ATP8A2: variants seen among roughly 807,000 people sequenced by gnomAD.
ATP8A2 encodes the protein phospholipid-transporting ATPase IB.
Under a neutral mutation model 165.6 loss-of-function variants are expected in ATP8A2, and 100 were observed. That is an observed-to-expected ratio of 0.60 (90% CI 0.51 to 0.71). ATP8A2 has a LOEUF of 0.71. Among genes scored for constraint, ATP8A2 ranks in the 30% least tolerant of loss-of-function variants. The pLI, the probability that ATP8A2 is intolerant of heterozygous loss-of-function variation, is 0.00. For missense variants in ATP8A2, 1,227 were observed against 1,479.5 expected (o/e 0.83, Z 2.80); for synonymous variants, 543 against 548.8 (o/e 0.99, Z 0.15).
At chr13:25,804,494 A>G (rs1205766471) in intron 27 of ATP8A2, among the ~76,000 whole-genome samples, 1 of 152,188 alleles carries the variant, frequency 6.6e-6, no homozygotes, top group African/African-American at 2.4e-5. Flanking sequence ...TATTAATCTA[A>G]CAATTAAATA....
intron 24 of ATP8A2, among the ~76,000 whole-genome samples, chr13:25,590,437 A>G (rs2040039875): frequency 1.3e-5 from 2 of 152,098 alleles, no homozygotes; most frequent in African/African-American, 2.4e-5. Context: ...AATAATAATA[A>G]TACATTCGTA....
intron 24 of ATP8A2, among the ~76,000 whole-genome samples, chr13:25,639,688 G>A (rs2041463625): frequency 6.6e-6 from 1 of 152,162 alleles, no homozygotes; most frequent in Non-Finnish European, 1.5e-5. Flanking sequence ...ACATTAGACA[G>A]ATCAATGAGA....
At chr13:25,641,284 A>T (rs1437345443) in intron 24 of ATP8A2, among the ~76,000 whole-genome samples, 2 of 152,082 alleles carry the variant, frequency 1.3e-5, no homozygotes, top group Admixed American at 1.3e-4. Flanking sequence ...GAAATAAAGG[A>T]TATTCAATTA....
intron 34 of ATP8A2, among the ~76,000 whole-genome samples, chr13:25,964,692 G>T (rs9645863): frequency 6.6e-6 from 1 of 152,176 alleles, no homozygotes; most frequent in South Asian, 2.1e-4. Context: ...CCCAGAAAGG[G>T]TGTGTATTTG....
chr13:25,376,935 C>T (rs948956479), intron 1 of ATP8A2, among the ~76,000 whole-genome samples: 1 of 152,170 alleles, frequency 6.6e-6, no homozygotes, highest in Non-Finnish European at 1.5e-5. Context: ...CCTGTAGTGG[C>T]TCTGAAGGTC....
intron 24 of ATP8A2, among the ~76,000 whole-genome samples, chr13:25,672,558 T>C (rs985697593): frequency 8.5e-5 from 13 of 152,206 alleles, no homozygotes; most frequent in Non-Finnish European, 4.4e-5. Flanking sequence ...TTTGTTCTTT[T>C]TTTAAAAAAA....
At chr13:25,838,311 A>G (rs1276010645) in intron 29 of ATP8A2, among the ~76,000 whole-genome samples, 1 of 152,112 alleles carries the variant, frequency 6.6e-6, no homozygotes. Flanking sequence ...CTCACTAGTT[A>G]CATCCGAGGC....
At position 25,581,925 on chromosome 13, in the gene ATP8A2, C is replaced by T. The variant is rs749884086; in HGVS notation, c.2114C>T (p.Thr705Ile). The change falls in exon 23 of 37, where the codon ACA becomes ATA. Residue 705 changes from threonine to isoleucine, a missense_variant. Transcript: ENST00000381655. ...GCAGAAATTAAAATATGGGTGTTGA[C>T]AGGAGACAAACAAGAAACTGCGATT... is the stretch of plus-strand genomic sequence containing the variant. ...LKAEIKIWVLTGDKQETAINI... is the reference protein window; with the variant it reads ...LKAEIKIWVLIGDKQETAINI... 6.2e-7 allele frequency: 1 copy of T among 1,612,614 alleles called. No individual in the cohort carries two copies. Among genetic ancestry groups the T allele is most frequent in the Non-Finnish European group, 8.5e-7 (1 of 1,179,450 alleles).
intron 1 of ATP8A2, among the ~76,000 whole-genome samples, chr13:25,431,442 C>A (rs1448732255): frequency 6.6e-6 from 1 of 152,192 alleles, no homozygotes; most frequent in Non-Finnish European, 1.5e-5. Flanking sequence ...AGCCACCACA[C>A]CCGGCTTCTC....
intron 36 of ATP8A2, among the ~76,000 whole-genome samples, chr13:26,016,811 T>C (rs1487378984): frequency 1.3e-5 from 2 of 152,224 alleles, no homozygotes; most frequent in Non-Finnish European, 2.9e-5. Context: ...GAGAGAATCC[T>C]GCAGCCTGGG....
intron 1 of ATP8A2, among the ~76,000 whole-genome samples, chr13:25,457,558 G>A (rs1345484481): frequency 3.3e-5 from 5 of 152,108 alleles, no homozygotes; most frequent in East Asian, 1.9e-4. Context: ...ATTGTTATGA[G>A]GATTGGATGG....
At chr13:25,957,950 T>G (rs1955564186) in intron 33 of ATP8A2, among the ~76,000 whole-genome samples, 1 of 151,982 alleles carries the variant, frequency 6.6e-6, no homozygotes, top group Non-Finnish European at 1.5e-5. Flanking sequence ...AAAGGATGAG[T>G]TCATGTCCTT....
intron 33 of ATP8A2, among the ~76,000 whole-genome samples, chr13:25,956,481 C>CGT (rs952564623): frequency 6.6e-6 from 1 of 152,086 alleles, no homozygotes; most frequent in African/African-American, 2.4e-5. Flanking sequence ...CCATAACAGA[C>CGT]AAACAGAGAA....
At chr13:25,957,989 ATCATTC>A (rs1955565949) in intron 33 of ATP8A2, among the ~76,000 whole-genome samples, 1 of 152,126 alleles carries the variant, frequency 6.6e-6, no homozygotes, top group Non-Finnish European at 1.5e-5. Context: ...GCTGGAAACC[ATCATTC>A]TCAGGAATGA....
At chr13:25,782,955 G>A (rs769810152) in intron 27 of ATP8A2, among the ~76,000 whole-genome samples, 1 of 152,084 alleles carries the variant, frequency 6.6e-6, no homozygotes, top group African/African-American at 2.4e-5. Context: ...TGGCCAGGCT[G>A]ATCTCGAACT....
At chr13:25,840,929 C>G (rs1951736294) in intron 30 of ATP8A2, among the ~76,000 whole-genome samples, 3 of 152,354 alleles carry the variant, frequency 2.0e-5, no homozygotes, top group South Asian at 2.1e-4. Flanking sequence ...GCCACAAGTA[C>G]TCTCTGAAGA....
intron 33 of ATP8A2, among the ~76,000 whole-genome samples, chr13:25,897,525 T>C (rs1393270308): frequency 3.3e-5 from 5 of 152,188 alleles, no homozygotes; most frequent in African/African-American, 1.2e-4. Context: ...AAGTTGCTCT[T>C]CTCAAGGAGT....
chr13:25,644,000 T>TTATTA (rs397728196), intron 24 of ATP8A2, among the ~76,000 whole-genome samples: 5 of 151,660 alleles, frequency 3.3e-5, no homozygotes, highest in African/African-American at 1.2e-4. Context: ...CTATTTTATT[T>TTATTA]GTAGCTATTG....
chr13:25,596,820 G>A (rs1326464472), intron 24 of ATP8A2, among the ~76,000 whole-genome samples: 1 of 152,114 alleles, frequency 6.6e-6, no homozygotes, highest in Admixed American at 6.5e-5. Context: ...GAAGATATAT[G>A]TTTAGCTTTA....
Sources: allele counts gnomAD v4.1 joint callset (sites outside exome capture counted in the v4.1 genomes callset), GRCh38; gene constraint gnomAD v4.1.1; transcripts MANE v1.5; gene names NCBI Gene and HGNC (gene_info 2026-07-23, HGNC 2026-07-21).